CSMD1: variants seen among roughly 807,000 people sequenced by gnomAD.
The protein encoded by CSMD1 is CUB and sushi domain-containing protein 1.
Under a neutral mutation model 417.5 loss-of-function variants are expected in CSMD1, and 213 were observed. The observed-to-expected ratio is 0.51, with a 90% confidence interval of 0.46 to 0.57. CSMD1 has a LOEUF of 0.57. Ranked by LOEUF, CSMD1 falls within the 20% of genes least tolerant of loss-of-function variation. CSMD1 has a pLI of 0.00. For missense variants in CSMD1, 6,923 were observed against 4,529.7 expected (o/e 1.53, Z -15.17); for synonymous variants, 2,862 against 1,736.8 (o/e 1.65, Z -16.11).
At chr8:4,859,384 AG>A (rs1229151403) in intron 1 of CSMD1, among the ~76,000 whole-genome samples, 4 of 152,210 alleles carry the variant, frequency 2.6e-5, no homozygotes, top group Non-Finnish European at 1.5e-5. Flanking sequence ...AAACACAAAA[AG>A]CAATAGCAAC....
intron 3 of CSMD1, among the ~76,000 whole-genome samples, chr8:4,036,747 C>T (rs898559317): frequency 1.3e-5 from 2 of 152,200 alleles, no homozygotes; most frequent in East Asian, 1.9e-4. Context: ...TTTTATTTTA[C>T]ACCAGGTCCT....
rs141492517 is a variant in CSMD1, at chr8:4,025,379, G to T, written c.610+6526C>A. ...TCCTCTATTTCCCTGTAGGACCCTAGATCTCAAAGTAATTTATAATCTATC... is the reference window on the plus strand; with the variant it reads ...TCCTCTATTTCCCTGTAGGACCCTATATCTCAAAGTAATTTATAATCTATC... On this transcript the variant is annotated intron_variant, in intron 4 of 69. Transcript: ENST00000635120. 4.9e-4 allele frequency among the ~76,000 whole-genome samples: 74 copies of T among 152,230 alleles called. No individual in the cohort carries two copies. The East Asian group carries it at 0.012, about 24-fold the overall frequency.
chr8:3,347,329 T>C (rs560945728), intron 22 of CSMD1, among the ~76,000 whole-genome samples: 5 of 152,202 alleles, frequency 3.3e-5, no homozygotes, highest in Non-Finnish European at 7.3e-5. Context: ...GTGAAAATTA[T>C]ATCAGGACTC....
intron 1 of CSMD1, among the ~76,000 whole-genome samples, chr8:4,825,611 A>C (rs1799781337): frequency 1.3e-5 from 1 of 75,916 alleles, no homozygotes; most frequent in Non-Finnish European, 2.9e-5. Context: ...AAGAAAAGAA[A>C]AAGAGACATG....
intron 7 of CSMD1, among the ~76,000 whole-genome samples, chr8:3,699,865 C>G (rs1445479794): frequency 6.6e-6 from 1 of 152,112 alleles, no homozygotes; most frequent in African/African-American, 2.4e-5. Flanking sequence ...AACTACATCC[C>G]TGGGTTATAT....
rs544532318 is a variant in CSMD1 at position 4,663,763 on chromosome 8, C to T, written c.86-26205G>A. Among the ~76,000 whole-genome samples, 16 of 152,272 alleles carry T rather than the reference C, an allele frequency of 1.1e-4. No individual in the cohort carries two copies. The East Asian group carries it at 2.3e-3, about 22-fold the overall frequency. On this transcript the variant is annotated intron_variant, in intron 1 of 69. Transcript: ENST00000635120. The stretch of plus-strand genomic sequence containing the variant: ...AGTCACAGGTAGTTCTTTAAAGTAA[C>T]GTGAGAATGGACTAATGCACTAAGT...
Position 3,981,500 on chromosome 8 carries a change from TAAAAA to T in CSMD1, c.818+16398_818+16402del, listed in dbSNP as rs200296436. Among the ~76,000 whole-genome samples, 62 of 115,070 alleles carry T rather than the reference TAAAAA, an allele frequency of 5.4e-4. 1 individual carries two copies. The highest frequency in any genetic ancestry group is 2.0e-3 in the African/African-American group (60 of 30,134). The allele number at this position is 115,070 out of a possible 152,430, so 75.5% of individuals were successfully genotyped here. A position where few individuals can be genotyped will look rare whatever the true frequency, so the allele number is the denominator to read the frequency against. Reference sequence around the variant, plus strand: ...TACTCCAATAACTTATAGAAAAAAGTAAAAAAAAAAAAAAAAAAAAAAAAAGAACA... The same window carrying T: ...TACTCCAATAACTTATAGAAAAAAGTAAAAAAAAAAAAAAAAAAAAGAACA... On this transcript the variant is annotated intron_variant, in intron 5 of 69. Transcript: ENST00000635120.
intron 54 of CSMD1, among the ~76,000 whole-genome samples, chr8:2,996,279 A>G (rs1806889129): frequency 6.6e-6 from 1 of 152,210 alleles, no homozygotes; most frequent in South Asian, 2.1e-4. Flanking sequence ...TAATTTAGTA[A>G]TTTACCATGT....
Position 4,536,416 on chromosome 8 carries a change from G to A in CSMD1, c.302+100926C>T, listed in dbSNP as rs1028591755. On this transcript the variant is annotated intron_variant, in intron 2 of 69. Transcript: ENST00000635120. Reference sequence around the variant, plus strand: ...AAATTTAATCATATATATACATATAGGTATGGATACTCTCAGCCATTTGTA... The same window carrying A: ...AAATTTAATCATATATATACATATAAGTATGGATACTCTCAGCCATTTGTA... Among the ~76,000 whole-genome samples, 22 of 151,840 alleles carry A rather than the reference G, an allele frequency of 1.4e-4. 1 individual carries two copies. Among genetic ancestry groups the A allele is most frequent in the African/African-American group, 5.1e-4 (21 of 41,306 alleles).
At chr8:4,277,527 T>C (rs1419200835) in intron 3 of CSMD1, among the ~76,000 whole-genome samples, 3 of 152,150 alleles carry the variant, frequency 2.0e-5, no homozygotes, top group African/African-American at 4.8e-5. Flanking sequence ...TTCTTTTATA[T>C]CTAGAGAGTT....
At chr8:2,949,604 C>A (rs1802488920) in intron 67 of CSMD1, among the ~76,000 whole-genome samples, 2 of 152,122 alleles carry the variant, frequency 1.3e-5, no homozygotes, top group South Asian at 4.1e-4. Flanking sequence ...CAAATGCTCA[C>A]AATCTCATTT....
At chr8:4,815,527 C>T (rs1799152527) in intron 1 of CSMD1, among the ~76,000 whole-genome samples, 1 of 151,504 alleles carries the variant, frequency 6.6e-6, no homozygotes, top group South Asian at 2.1e-4. Context: ...GAAACCCCAT[C>T]TCTACTGAAA....
intron 2 of CSMD1, among the ~76,000 whole-genome samples, chr8:4,541,552 A>C (rs547533215): frequency 6.6e-6 from 1 of 152,134 alleles, no homozygotes; most frequent in African/African-American, 2.4e-5. Flanking sequence ...GTTCAAGAAC[A>C]GCCTGGCCAC....
Position 4,374,730 on chromosome 8 carries a change from C to T in CSMD1, c.415+45223G>A, listed in dbSNP as rs74660681. On this transcript the variant is annotated intron_variant, in intron 3 of 69. Transcript: ENST00000635120. ...GCATCCGTGTCTGGAGCAGACTAAG[C>T]ATGAGCAGCAGAGACGTCCAAGTGG... Among the ~76,000 whole-genome samples, 3 of 152,110 alleles carry T rather than the reference C, an allele frequency of 2.0e-5. No individual in the cohort carries two copies. In the East Asian group the frequency reaches 5.8e-4, roughly 29 times the overall value.
At chr8:4,976,290 ATG>A (rs1810557125) in intron 1 of CSMD1, among the ~76,000 whole-genome samples, 1 of 152,202 alleles carries the variant, frequency 6.6e-6, no homozygotes, top group Non-Finnish European at 1.5e-5. Flanking sequence ...TTATTTACAA[ATG>A]TATGGAGTAG....
At chr8:3,734,299 G>C (rs948980007) in intron 6 of CSMD1, among the ~76,000 whole-genome samples, 24 of 152,174 alleles carry the variant, frequency 1.6e-4, no homozygotes, top group African/African-American at 5.5e-4. Context: ...TCCAGGCGGG[G>C]TCTGCTGCAT....
intron 25 of CSMD1, among the ~76,000 whole-genome samples, chr8:3,303,523 A>T (rs567219266): frequency 3.3e-5 from 5 of 152,320 alleles, no homozygotes; most frequent in African/African-American, 4.8e-5. Context: ...AGCTTATTAA[A>T]AATAATTCCC....
At chr8:3,577,972 C>T (rs1246804864) in intron 9 of CSMD1, among the ~76,000 whole-genome samples, 1 of 152,074 alleles carries the variant, frequency 6.6e-6, no homozygotes, top group South Asian at 2.1e-4. Context: ...TTCTACCAGC[C>T]GATGTCCACA....
At chr8:3,849,088 G>A (rs116872571) in intron 5 of CSMD1, among the ~76,000 whole-genome samples, 4,392 of 152,136 alleles carry the variant, frequency 0.029, 83 homozygotes, top group Middle Eastern at 0.068. Context: ...TTTAACAGTT[G>A]AAGGGATACT....
Sources: gnomAD v4.1 joint callset for allele counts (sites outside exome capture counted in the v4.1 genomes callset) on GRCh38, gnomAD v4.1.1 for gene constraint, MANE v1.5 for transcripts, NCBI Gene and HGNC (gene_info 2026-07-23, HGNC 2026-07-21) for gene names.